Variants in TMEM135 observed in about 807,000 individuals in gnomAD.
The protein encoded by TMEM135 is transmembrane protein 135.
Under a neutral mutation model 60.3 loss-of-function variants are expected in TMEM135, and 30 were observed. The ratio of observed to expected loss-of-function variants is 0.50; its 90% CI spans 0.37 to 0.68. TMEM135 has a LOEUF of 0.68. Among genes scored for constraint, TMEM135 ranks in the 30% least tolerant of loss-of-function variants. The pLI is 0.00. For synonymous variants in TMEM135, 190 were observed against 186.7 expected, an observed-to-expected ratio of 1.02 and a Z score of -0.14; for missense variants, 468 against 548.8, an observed-to-expected ratio of 0.85 and a Z score of 1.47.
At chr11:87,132,263 G>C (rs559599494) in intron 4 of TMEM135, among the ~76,000 whole-genome samples, 8 of 152,268 alleles carry the variant, frequency 5.3e-5, no homozygotes, top group African/African-American at 1.7e-4. Context: ...GGTGCCTGCT[G>C]TCATAGGGTA....
At chr11:87,282,512 C>T (rs895311938) in intron 6 of TMEM135, among the ~76,000 whole-genome samples, 12 of 152,164 alleles carry the variant, frequency 7.9e-5, no homozygotes, top group Non-Finnish European at 1.2e-4. Flanking sequence ...GTGATCCACT[C>T]GCCTCGACCT....
At chr11:87,114,653 C>T (rs968514830) in intron 4 of TMEM135, among the ~76,000 whole-genome samples, 2 of 152,116 alleles carry the variant, frequency 1.3e-5, no homozygotes, top group East Asian at 1.9e-4. Flanking sequence ...GTATTTTAAA[C>T]ATGTATTCAT....
chr11:87,320,259 G>C (rs1942798863), intron 14 of TMEM135, among the ~76,000 whole-genome samples: 1 of 152,128 alleles, frequency 6.6e-6, no homozygotes, highest in Non-Finnish European at 1.5e-5. Flanking sequence ...GGGTTAGATA[G>C]CTTGCCAGAG....
chr11:87,251,904 A>G (rs761528917), intron 6 of TMEM135, among the ~76,000 whole-genome samples: 1 of 152,176 alleles, frequency 6.6e-6, no homozygotes, highest in Non-Finnish European at 1.5e-5. Context: ...CTTTATTGTT[A>G]TTGCTCTAGA....
At chr11:87,112,989 G>T (rs1250529784) in intron 4 of TMEM135, among the ~76,000 whole-genome samples, 1 of 152,042 alleles carries the variant, frequency 6.6e-6, no homozygotes, top group Non-Finnish European at 1.5e-5. Flanking sequence ...ACTTTGGCGT[G>T]CAGAAAATTG....
At chr11:87,119,163 T>A (rs1857974898) in intron 4 of TMEM135, among the ~76,000 whole-genome samples, 2 of 152,222 alleles carry the variant, frequency 1.3e-5, no homozygotes, top group South Asian at 4.1e-4. Context: ...ATTTCTAGTT[T>A]TTGATTTAAA....
rs1195662377 is a variant in TMEM135, at chr11:87,081,993, TG to T, written c.363-9368del. On this transcript the variant is annotated intron_variant, in intron 3 of 14. Transcript: ENST00000305494. ...TTTAGTTCTTTTGTTTATTAGGTGA[TG>T]CAGTTAACAATACTGGGAGATAGCT... Among the ~76,000 whole-genome samples, 8 of 152,222 alleles carry T rather than the reference TG, an allele frequency of 5.3e-5. No homozygotes were observed. In the East Asian group the frequency reaches 1.5e-3, roughly 29 times the overall value.
chr11:87,246,045 T>C (rs1292104363), intron 6 of TMEM135, among the ~76,000 whole-genome samples: 1 of 146,206 alleles, frequency 6.8e-6, no homozygotes, highest in African/African-American at 2.6e-5. Context: ...AGGGCAGGCC[T>C]GGTGGTGACA....
chr11:87,115,198 ATC>A (rs1301751143), intron 4 of TMEM135, among the ~76,000 whole-genome samples: 1 of 152,122 alleles, frequency 6.6e-6, no homozygotes, highest in East Asian at 1.9e-4. Flanking sequence ...CTTAAGAAAC[ATC>A]TCTCTGCTAT....
intron 5 of TMEM135, among the ~76,000 whole-genome samples, chr11:87,180,396 C>G (rs1939486241): frequency 6.6e-6 from 1 of 151,954 alleles, no homozygotes; most frequent in African/African-American, 2.4e-5. Context: ...GATGCAGTTG[C>G]AGAAAGTATA....
intron 5 of TMEM135, among the ~76,000 whole-genome samples, chr11:87,168,909 C>G (rs1020070498): frequency 1.3e-5 from 2 of 152,074 alleles, no homozygotes; most frequent in South Asian, 2.1e-4. Context: ...GTGTTAAACT[C>G]TCCCACTATT....
Position 87,322,901 on chromosome 11 carries a change from A to T in TMEM135, c.*1568A>T, listed in dbSNP as rs1385041077. The T allele has an allele frequency of 6.6e-6, 3 of 454,312 alleles. No homozygotes were observed. The highest frequency in any genetic ancestry group is 3.1e-5 in the South Asian group (2 of 64,480). The allele number at this position is 454,312 out of a possible 1,614,324, so 28.1% of individuals were successfully genotyped here. A position where few individuals can be genotyped will look rare whatever the true frequency, so the allele number is the denominator to read the frequency against. The stretch of plus-strand genomic sequence containing the variant: ...GTTTATTTGGCAATGCTGTTAAAGG[A>T]TCATTTCGGTTTCAGACTTCAAAGT... On this transcript the variant is annotated 3_prime_UTR_variant, in exon 15 of 15. Coordinates refer to ENST00000305494, the MANE Select transcript of TMEM135 (RefSeq NM_022918.4).
At chr11:87,147,758 T>C (rs920281196) in intron 4 of TMEM135, among the ~76,000 whole-genome samples, 17 of 152,178 alleles carry the variant, frequency 1.1e-4, no homozygotes, top group African/African-American at 4.1e-4. Flanking sequence ...CAGTCTCTTG[T>C]TAACTTATTA....
In TMEM135 at chr11:87,178,405, C is replaced by T. The variant is rs1253232499; in HGVS notation, c.462+20999C>T. On this transcript the variant is annotated intron_variant, in intron 5 of 14. Coordinates refer to ENST00000305494, the MANE Select transcript of TMEM135 (RefSeq NM_022918.4). ...ATACATGTAATTATACAATATATGC[C>T]CTTTTGAGTCTGCCTTCCTTTCCTT... 1.1e-5 allele frequency: 5 copies of T among 455,858 alleles called. No individual in the cohort carries two copies. The Admixed American group carries it at 1.2e-4, about 11-fold the overall frequency. 28.2% of individuals were successfully genotyped at this position (455,858 alleles called of 1,614,324 possible).
At chr11:87,077,913 T>C (rs1856907694) in intron 3 of TMEM135, among the ~76,000 whole-genome samples, 1 of 152,238 alleles carries the variant, frequency 6.6e-6, no homozygotes, top group African/African-American at 2.4e-5. Context: ...GTCATACGTA[T>C]CATTTCATTA....
At chr11:87,269,190 C>T (rs1401112809) in intron 6 of TMEM135, among the ~76,000 whole-genome samples, 1 of 150,414 alleles carries the variant, frequency 6.6e-6, no homozygotes, top group African/African-American at 2.4e-5. Flanking sequence ...TTAGAGTTTC[C>T]CCCCTACTAC....
intron 5 of TMEM135, among the ~76,000 whole-genome samples, chr11:87,163,504 G>T (rs1393734941): frequency 6.6e-6 from 1 of 151,742 alleles, no homozygotes; most frequent in Non-Finnish European, 1.5e-5. Flanking sequence ...ACATAAGTGT[G>T]CATGTGTCTT....
chr11:87,176,341 A>C (rs548555387), intron 5 of TMEM135, among the ~76,000 whole-genome samples: 1 of 152,242 alleles, frequency 6.6e-6, no homozygotes, highest in Admixed American at 6.5e-5. Flanking sequence ...GAAGAGAAGC[A>C]GCTTGAGGCC....
chr11:87,136,689 A>T (rs985633552), intron 4 of TMEM135, among the ~76,000 whole-genome samples: 1 of 150,894 alleles, frequency 6.6e-6, no homozygotes, highest in African/African-American at 2.4e-5. Flanking sequence ...CATTAGTGCT[A>T]TTTAGGCTAA....
Sources: allele counts gnomAD v4.1 joint callset (sites outside exome capture counted in the v4.1 genomes callset), GRCh38; gene constraint gnomAD v4.1.1; transcripts MANE v1.5; gene names NCBI Gene and HGNC (gene_info 2026-07-23, HGNC 2026-07-21).